Variants in EDA observed in about 807,000 individuals in gnomAD.
EDA encodes ectodysplasin-A.
Under a neutral mutation model 23.6 loss-of-function variants are expected in EDA, and 2 were observed. That is an observed-to-expected ratio of 0.08 (90% confidence interval 0.03 to 0.27). EDA has a LOEUF of 0.27. Ranked by LOEUF, EDA falls within the 10% of genes least tolerant of loss-of-function variation. EDA has a pLI of 1.00. For missense variants in EDA, 229 were observed against 324.2 expected, an observed-to-expected ratio of 0.71 and a Z score of 2.26; for synonymous variants, 131 against 132.0, an observed-to-expected ratio of 0.99 and a Z score of 0.05.
intron 1 of EDA, among the ~76,000 whole-genome samples, chrX:69,679,657 G>A (rs891089192): frequency 1.3e-4 from 15 of 111,376 alleles, no homozygotes; most frequent in East Asian, 5.6e-4. Flanking sequence ...CTGTGGGATC[G>A]GTGGTGATAT....
At chrX:69,621,811 G>A (rs1932190610) in intron 1 of EDA, among the ~76,000 whole-genome samples, 1 of 111,410 alleles carries the variant, frequency 9.0e-6, no homozygotes, top group African/African-American at 3.3e-5. Flanking sequence ...CATGATCACA[G>A]CTCACTGCAG....
At chrX:69,776,408 A>G (rs748011209) in intron 1 of EDA, among the ~76,000 whole-genome samples, 1 of 111,287 alleles carries the variant, frequency 9.0e-6, no homozygotes, top group South Asian at 3.7e-4. Flanking sequence ...AGTAGTGAAT[A>G]AGTCTCAAGA....
chrX:69,786,262 T>C (rs1289695715), intron 1 of EDA, among the ~76,000 whole-genome samples: 5 of 111,505 alleles, frequency 4.5e-5, no homozygotes, highest in Non-Finnish European at 7.5e-5. Context: ...CATTAAGTTT[T>C]TGAAGGGTTT....
chrX:69,803,806 C>T (rs767560355), intron 1 of EDA, among the ~76,000 whole-genome samples: 1 of 109,352 alleles, frequency 9.1e-6, no homozygotes, highest in African/African-American at 3.3e-5. Context: ...TCTCCATATC[C>T]CTCCCTTCCC....
At chrX:69,838,744 C>T (rs1456045660) in intron 1 of EDA, among the ~76,000 whole-genome samples, 1 of 112,771 alleles carries the variant, frequency 8.9e-6, no homozygotes, top group Non-Finnish European at 1.9e-5. Context: ...TAAACCACCA[C>T]TTTCTTTGGT....
At chrX:69,709,506 A>C (rs2147324700) in intron 1 of EDA, among the ~76,000 whole-genome samples, 1 of 111,831 alleles carries the variant, frequency 8.9e-6, no homozygotes, top group Non-Finnish European at 1.9e-5. Flanking sequence ...ATACTTTCCT[A>C]AACTCAGGAT....
At chrX:69,776,513 A>G (rs1014119700) in intron 1 of EDA, among the ~76,000 whole-genome samples, 2 of 111,593 alleles carry the variant, frequency 1.8e-5, no homozygotes, top group Admixed American at 9.6e-5. Context: ...GCCTTTCACC[A>G]TGATTGTGAG....
chrX:69,803,382 T>G (rs1380877235), intron 1 of EDA, among the ~76,000 whole-genome samples: 2 of 110,716 alleles, frequency 1.8e-5, no homozygotes, highest in Non-Finnish European at 1.9e-5. Context: ...ACTTTTAGTG[T>G]TTTTTAAAAC....
At chrX:69,709,945 T>A (rs2011908651) in intron 1 of EDA, among the ~76,000 whole-genome samples, 1 of 111,846 alleles carries the variant, frequency 8.9e-6, no homozygotes. Context: ...ATTCTGTAGG[T>A]TGCCTGTTCA....
chrX:69,707,125 T>C (rs1342120104), intron 1 of EDA, among the ~76,000 whole-genome samples: 1 of 112,158 alleles, frequency 8.9e-6, no homozygotes, highest in Non-Finnish European at 1.9e-5. Context: ...GCAGAACATA[T>C]AGTCAACAGG....
At chrX:69,877,923 T>A in intron 1 of EDA, among the ~76,000 whole-genome samples, 1 of 112,612 alleles carries the variant, frequency 8.9e-6, no homozygotes, top group Middle Eastern at 4.6e-3. Context: ...AGACTATTCT[T>A]TCCCTATTGA....
chrX:69,874,476 C>T (rs1438482476), intron 1 of EDA, among the ~76,000 whole-genome samples: 1 of 111,764 alleles, frequency 8.9e-6, no homozygotes, highest in Non-Finnish European at 1.9e-5. Context: ...GCAAAATCAG[C>T]ATACAAGGGA....
At chrX:69,825,479 T>C (rs1278834374) in intron 1 of EDA, among the ~76,000 whole-genome samples, 1 of 111,533 alleles carries the variant, frequency 9.0e-6, no homozygotes, top group African/African-American at 3.3e-5. Flanking sequence ...TTCTAGTTTA[T>C]TTGCATAGAG....
intron 1 of EDA, among the ~76,000 whole-genome samples, chrX:69,713,690 A>G (rs1344087726): frequency 8.9e-6 from 1 of 111,946 alleles, no homozygotes; most frequent in African/African-American, 3.2e-5. Flanking sequence ...TGTTGTGTGT[A>G]TTAATAGTTT....
Position 70,035,693 on chromosome X carries a change from G to A in EDA, c.*84G>A. On this transcript the variant is annotated 3_prime_UTR_variant, in exon 8 of 8. Transcript: ENST00000374552. The stretch of plus-strand genomic sequence containing the variant: ...CAGAACCTCTAAGTGCTGCTGTGGA[G>A]TGAGGTGTATTGGTGTTGCAGCCGC... 2 of 1,110,477 alleles carry A rather than the reference G, an allele frequency of 1.8e-6. No homozygotes were observed. Among genetic ancestry groups the A allele is most frequent in the Non-Finnish European group, 2.5e-6 (2 of 811,727 alleles). 91.5% of individuals were successfully genotyped at this position (1,110,477 alleles called of 1,213,427 possible). A position where few individuals can be genotyped will look rare whatever the true frequency, so the allele number is the denominator to read the frequency against.
At chrX:69,711,359 G>A (rs924491024) in intron 1 of EDA, among the ~76,000 whole-genome samples, 2 of 111,516 alleles carry the variant, frequency 1.8e-5, no homozygotes, top group African/African-American at 6.5e-5. Context: ...GATCATGGTG[G>A]ATAAGCTTTT....
At chrX:69,888,396 A>C (rs2147627376) in intron 1 of EDA, among the ~76,000 whole-genome samples, 1 of 110,319 alleles carries the variant, frequency 9.1e-6, no homozygotes, top group African/African-American at 3.3e-5. Flanking sequence ...AGGACCTACA[A>C]AGCAACCAGA....
chrX:69,920,667 T>C (rs1171107110), intron 1 of EDA, among the ~76,000 whole-genome samples: 2 of 110,461 alleles, frequency 1.8e-5, no homozygotes, highest in African/African-American at 6.5e-5. Flanking sequence ...GTACATACTA[T>C]CTTCAACTTG....
At chrX:69,640,701 A>G (rs1932830536) in intron 1 of EDA, among the ~76,000 whole-genome samples, 1 of 110,819 alleles carries the variant, frequency 9.0e-6, no homozygotes. Context: ...AAGTGGGGTA[A>G]GGAGAGCAGA....
Sources: gnomAD v4.1 joint callset for allele counts (sites outside exome capture counted in the v4.1 genomes callset) on GRCh38, gnomAD v4.1.1 for gene constraint, MANE v1.5 for transcripts, NCBI Gene and HGNC (gene_info 2026-07-23, HGNC 2026-07-21) for gene names.